DNMT3A: variants seen among roughly 807,000 people sequenced by gnomAD.
DNMT3A encodes the protein DNA methyltransferase 3 alpha, also known as DNA (cytosine-5)-methyltransferase 3A.
In DNMT3A, 267 loss-of-function variants were observed where a neutral mutation model predicts 117.6. The observed-to-expected ratio is 2.27, with a 90% CI of 2.05 to 2.51. DNMT3A has a LOEUF of 2.51. Ranked by LOEUF, DNMT3A falls within the 30% of genes most tolerant of loss-of-function variation. DNMT3A has a pLI of 0.00. For missense variants in DNMT3A, 1,029 were observed against 1,260.2 expected (o/e 0.82, Z 2.78); for synonymous variants, 432 against 474.8 (o/e 0.91, Z 1.17).
intron 3 of DNMT3A, among the ~76,000 whole-genome samples, chr2:25,287,312 C>T (rs2032384525): frequency 6.6e-6 from 1 of 151,950 alleles, no homozygotes; most frequent in African/African-American, 2.4e-5. Flanking sequence ...ACTTCTCCTC[C>T]CGTGGGGGGC....
At chr2:25,330,033 G>C (rs976012054) in intron 1 of DNMT3A, among the ~76,000 whole-genome samples, 2 of 152,198 alleles carry the variant, frequency 1.3e-5, no homozygotes, top group African/African-American at 4.8e-5. Flanking sequence ...CAAAAGCTTG[G>C]AAATGCCTGT....
chr2:25,303,700 G>A (rs1449823697), intron 2 of DNMT3A, among the ~76,000 whole-genome samples: 2 of 152,256 alleles, frequency 1.3e-5, no homozygotes, highest in African/African-American at 2.4e-5. Context: ...GGCCCTAAGA[G>A]CAGCGTTGTG....
chr2:25,325,545 C>A (rs1216459072), intron 1 of DNMT3A, among the ~76,000 whole-genome samples: 1 of 152,204 alleles, frequency 6.6e-6, no homozygotes, highest in Non-Finnish European at 1.5e-5. Context: ...CCCTGTTTCC[C>A]CACCCCACAA....
In DNMT3A at chr2:25,298,853, C is replaced by T. The variant is rs577904204; in HGVS notation, c.177+1286G>A. ...GACTTCACTCCGCCCCCCTGCCCCC[C>T]GCCTCAAATCTTCAGGCAGAACTGG... On this transcript the variant is annotated intron_variant, in intron 3 of 22. Transcript: ENST00000321117. This position sits in a 1 kb window ranked among gnomAD's most constrained non-coding sequence, Gnocchi z 4.3. Among the ~76,000 whole-genome samples the T allele has an allele frequency of 7.9e-5, 12 of 152,228 alleles. No individual in the cohort carries two copies. Among genetic ancestry groups the T allele is most frequent in the South Asian group, 2.1e-4 (1 of 4,822 alleles).
Position 25,247,093 on chromosome 2 carries a change from G to A in DNMT3A, c.1080C>T (p.Asn360=), listed in dbSNP as rs1266282406. ...FCSAFHQATY[N]KQPMYRKAIY... The stretch of plus-strand genomic sequence containing the variant: ...TGGCTTTGCGGTACATGGGCTGCTT[G>A]TTGTACGTGGCCTGGTGGAACGCAC... Residue 360 remains asparagine (N), a synonymous_variant, in exon 9 of 23, where the codon AAC becomes AAT. Transcript: ENST00000321117. The surrounding 1 kb of genome is among the most constrained non-coding windows in gnomAD (Gnocchi z 5.6). 11 of 1,614,144 alleles carry A rather than the reference G, an allele frequency of 6.8e-6. No homozygotes were observed. The highest frequency in any genetic ancestry group is 9.3e-6 in the Non-Finnish European group (11 of 1,180,004).
rs1414693636 is a variant in DNMT3A at position 25,304,409 on chromosome 2, C to T, written c.73-4166G>A. Among the ~76,000 whole-genome samples, 1 of 152,210 alleles carries T rather than the reference C, an allele frequency of 6.6e-6. No individual in the cohort carries two copies. Among genetic ancestry groups the T allele is most frequent in the Non-Finnish European group, 1.5e-5 (1 of 68,036 alleles). On this transcript the variant is annotated intron_variant, in intron 2 of 22. Transcript: ENST00000321117. The surrounding 1 kb of genome is among the most constrained non-coding windows in gnomAD (Gnocchi z 4.3). ...TGCTACCTTCCCCCGCTCCACACAT[C>T]CTGATTCGTACTTCACTCCCACTCC... is the stretch of plus-strand genomic sequence containing the variant.
At chr2:25,287,316 G>T (rs536460846) in intron 3 of DNMT3A, among the ~76,000 whole-genome samples, 8 of 152,124 alleles carry the variant, frequency 5.3e-5, no homozygotes, top group Admixed American at 4.6e-4. Flanking sequence ...CTCCTCCCGT[G>T]GGGGGCCAGA....
At position 25,230,848 on chromosome 2, in the gene DNMT3A, C is replaced by G. The variant is rs1259686132; in HGVS notation, c.*3431G>C. On this transcript the variant is annotated 3_prime_UTR_variant, in exon 23 of 23. Transcript: ENST00000321117. ...CATCTGGTCCATTCTAGGGCCTGGT[C>G]AAGTGGCTAGATCTGGAGGAACAAG... 5 of 130,820 alleles carry G rather than the reference C, an allele frequency of 3.8e-5. No homozygotes were observed. The highest frequency in any genetic ancestry group is 3.7e-4 in the Admixed American group (4 of 10,930). The allele number at this position is 130,820 out of a possible 1,614,324, so 8.1% of individuals were successfully genotyped here.
At chr2:25,260,928 A>G (rs1676546227) in intron 6 of DNMT3A, among the ~76,000 whole-genome samples, 1 of 152,146 alleles carries the variant, frequency 6.6e-6, no homozygotes, top group Admixed American at 6.6e-5. Flanking sequence ...CAAGAGTCCA[A>G]GGCTGCAGTG....
In DNMT3A at chr2:25,286,818, A is replaced by C. The variant is rs990471282; in HGVS notation, c.178-4107T>G. Among the ~76,000 whole-genome samples, 1 of 152,094 alleles carries C rather than the reference A, an allele frequency of 6.6e-6. No homozygotes were observed. The highest frequency in any genetic ancestry group is 1.9e-4 in the East Asian group (1 of 5,154). On this transcript the variant is annotated intron_variant, in intron 3 of 22. Transcript: ENST00000321117. The surrounding 1 kb of genome is among the most constrained non-coding windows in gnomAD (Gnocchi z 4.3). ...GCCTGGAAGCCCAGGAGGGAGGGGC[A>C]CCCCAGCCAGGCCTGGCCTCTTCTG...
chr2:25,342,120 T>TGGCCCC (rs1382609366), upstream of DNMT3A, among the ~76,000 whole-genome samples: 1 of 137,128 alleles, frequency 7.3e-6, no homozygotes, highest in African/African-American at 2.6e-5. The surrounding 1 kb of genome is among the most constrained non-coding windows in gnomAD (Gnocchi z 5.9). Flanking sequence ...GCGGCCGCGC[T>TGGCCCC]GGCCCCGGCC....
In DNMT3A at chr2:25,247,072, T is replaced by C; in HGVS notation, c.1101A>G (p.Lys367=). ...ATYNKQPMYR[K]AIYEVLQVAS... is the part of the protein sequence containing the mutation. Reference sequence around the variant, plus strand: ...TCACCTGCAGGACCTCGTAGATGGCTTTGCGGTACATGGGCTGCTTGTTGT... The same window carrying C: ...TCACCTGCAGGACCTCGTAGATGGCCTTGCGGTACATGGGCTGCTTGTTGT... The change falls in exon 9 of 23, where the codon AAA becomes AAG. Residue 367 remains lysine (K), a synonymous_variant. Coordinates refer to ENST00000321117, the MANE Select transcript of DNMT3A (RefSeq NM_022552.5). This position sits in a 1 kb window ranked among gnomAD's most constrained non-coding sequence, Gnocchi z 5.6. 1 of 1,614,122 alleles carries C rather than the reference T, an allele frequency of 6.2e-7. No individual in the cohort carries two copies. Among genetic ancestry groups the C allele is most frequent in the South Asian group, 1.1e-5 (1 of 91,070 alleles).
Position 25,291,789 on chromosome 2 carries a change from C to T in DNMT3A, c.177+8350G>A, listed in dbSNP as rs923460539. The stretch of plus-strand genomic sequence containing the variant: ...TCACTCAGTCCATGGCCTGGCTAGG[C>T]CGTCACAAGCCATGGCAAATGGATG... On this transcript the variant is annotated intron_variant, in intron 3 of 22. Coordinates refer to ENST00000321117, the MANE Select transcript of DNMT3A (RefSeq NM_022552.5). Among the ~76,000 whole-genome samples, 3 of 152,260 alleles carry T rather than the reference C, an allele frequency of 2.0e-5. No homozygotes were observed. The South Asian group carries it at 6.2e-4, about 32-fold the overall frequency.
At chr2:25,267,700 T>C (rs1243610806) in intron 6 of DNMT3A, among the ~76,000 whole-genome samples, 1 of 152,262 alleles carries the variant, frequency 6.6e-6, no homozygotes, top group African/African-American at 2.4e-5. Flanking sequence ...AGCTCTGTGC[T>C]AGGAGCTTTA....
chr2:25,238,948 G>C (rs145085276), intron 20 of DNMT3A, among the ~76,000 whole-genome samples, 182 bp downstream of exon 20: 94 of 152,350 alleles, frequency 6.2e-4, no homozygotes, highest in Admixed American at 1.7e-3. Flanking sequence ...TTTCAGACGA[G>C]TATTTTCTAT....
intron 19 of DNMT3A, 57 bp from the exon 20 acceptor site, chr2:25,239,272 G>T: frequency 1.3e-6 from 2 of 1,501,908 alleles, no homozygotes; most frequent in Non-Finnish European, 1.8e-6. Flanking sequence ...AACAGCGCCG[G>T]CATGCTGCTG....
At chr2:25,341,191 G>A (rs192022828) in intron 1 of DNMT3A, among the ~76,000 whole-genome samples, 9,702 of 144,908 alleles carry the variant, frequency 0.067, 436 homozygotes, top group Non-Finnish European at 0.099. Context: ...CCCGCCCCGC[G>A]GGGCCGAGGA....
chr2:25,243,984 T>C lies in DNMT3A; in HGVS notation c.1852-2A>G. The stretch of plus-strand genomic sequence containing the variant: ...AGGTGGGTAAACCTTTGGAGGGTCC[T>C]AAGCAGTGAGCACAACAGGTCAGAT... On this transcript the variant is annotated splice_acceptor_variant, in intron 15 of 22. Transcript: ENST00000321117. LOFTEE classifies it high-confidence loss of function. 1 of 1,554,312 alleles carries C rather than the reference T, an allele frequency of 6.4e-7. No individual in the cohort carries two copies. Among genetic ancestry groups the C allele is most frequent in the Non-Finnish European group, 8.7e-7 (1 of 1,148,510 alleles).
chr2:25,335,356 T>C (rs1443827351), intron 1 of DNMT3A, among the ~76,000 whole-genome samples: 1 of 152,234 alleles, frequency 6.6e-6, no homozygotes, highest in Non-Finnish European at 1.5e-5. Flanking sequence ...GGAATCCCAC[T>C]GGCTTGGCAG....
Sources: gnomAD v4.1 joint callset for allele counts (sites outside exome capture counted in the v4.1 genomes callset) on GRCh38, gnomAD v4.1.1 for gene constraint, Gnocchi (gnomAD v3.1) non-coding constraint, MANE v1.5 for transcripts, NCBI Gene and HGNC (gene_info 2026-07-23, HGNC 2026-07-21) for gene names.